USH2A: variants seen among roughly 807,000 people sequenced by gnomAD.
USH2A encodes usherin.
A neutral mutation model predicts 538.9 loss-of-function variants in USH2A; 443 were observed. That is an observed-to-expected ratio of 0.82 (90% CI 0.76 to 0.89). The LOEUF is 0.89. USH2A is among the 40% of genes least tolerant of loss of function. USH2A has a pLI of 0.00. For synonymous variants in USH2A, 2,413 were observed against 2,273.5 expected (o/e 1.06, Z -1.75); for missense variants, 6,633 against 6,324.8 (o/e 1.05, Z -1.65).
At chr1:215,989,091 C>T (rs913304205) in intron 35 of USH2A, among the ~76,000 whole-genome samples, 9 of 152,156 alleles carry the variant, frequency 5.9e-5, no homozygotes, top group African/African-American at 2.2e-4. Flanking sequence ...TTATACCTTT[C>T]ATATTTTGTC....
intron 21 of USH2A, among the ~76,000 whole-genome samples, chr1:216,131,476 T>C (rs759253629): frequency 3.9e-5 from 6 of 152,114 alleles, no homozygotes; most frequent in Non-Finnish European, 8.8e-5. Flanking sequence ...CTTGAGTTGA[T>C]ATTTGTATAA....
chr1:215,668,778 C>T (rs1657711627), intron 64 of USH2A, among the ~76,000 whole-genome samples: 1 of 152,202 alleles, frequency 6.6e-6, no homozygotes, highest in South Asian at 2.1e-4. Context: ...TGCCTGTAAT[C>T]CCAGCATTTT....
intron 32 of USH2A, among the ~76,000 whole-genome samples, chr1:216,016,091 G>A (rs543824939): frequency 2.4e-4 from 37 of 151,890 alleles, no homozygotes; most frequent in Non-Finnish European, 4.6e-4. Context: ...ACTATTGCAA[G>A]GACAGAAAAC....
intron 3 of USH2A, among the ~76,000 whole-genome samples, chr1:216,378,311 T>C (rs1486760108): frequency 2.0e-5 from 3 of 152,192 alleles, no homozygotes; most frequent in African/African-American, 4.8e-5. Flanking sequence ...GGATCTTTCA[T>C]TGGTACTTTA....
At chr1:216,322,773 A>G (rs2037643373) in intron 8 of USH2A, among the ~76,000 whole-genome samples, 2 of 152,050 alleles carry the variant, frequency 1.3e-5, no homozygotes, top group South Asian at 2.1e-4. Flanking sequence ...CAATGCTTAT[A>G]TACTGGTATT....
intron 38 of USH2A, among the ~76,000 whole-genome samples, chr1:215,915,692 T>A (rs1665934990): frequency 6.6e-6 from 1 of 152,034 alleles, no homozygotes; most frequent in African/African-American, 2.4e-5. Context: ...ACTGGGTATA[T>A]ACCCAAAGGA....
chr1:215,847,316 T>C (rs1239516355), intron 44 of USH2A, among the ~76,000 whole-genome samples: 1 of 152,148 alleles, frequency 6.6e-6, no homozygotes, highest in Non-Finnish European at 1.5e-5. Flanking sequence ...GGGTGGAGTG[T>C]TGGCTTACAA....
chr1:216,075,051 T>G (rs1388928881), intron 27 of USH2A, among the ~76,000 whole-genome samples: 5 of 152,246 alleles, frequency 3.3e-5, no homozygotes, highest in African/African-American at 1.2e-4. Context: ...AATTAAAAAT[T>G]TAGCAAAAAA....
intron 65 of USH2A, 134 bp from the exon 66 acceptor site, chr1:215,648,900 C>A: frequency 1.1e-6 from 1 of 874,920 alleles, no homozygotes; most frequent in Non-Finnish European, 1.9e-6. Context: ...TGGCATTTAG[C>A]ATGACATTTA....
chr1:216,130,067 T>TTAAA (rs1448253504), intron 21 of USH2A, among the ~76,000 whole-genome samples: 1 of 151,988 alleles, frequency 6.6e-6, no homozygotes. Context: ...TTTAAATAGG[T>TTAAA]TAAAGACTCA....
chr1:216,310,653 A>G (rs1339152024), intron 9 of USH2A, among the ~76,000 whole-genome samples: 1 of 152,060 alleles, frequency 6.6e-6, no homozygotes, highest in South Asian at 2.1e-4. Flanking sequence ...CAGTTCGGTA[A>G]ATTTATTTCT....
intron 20 of USH2A, among the ~76,000 whole-genome samples, chr1:216,185,350 G>C (rs1278677084): frequency 6.6e-6 from 1 of 151,848 alleles, no homozygotes; most frequent in African/African-American, 2.4e-5. Flanking sequence ...AAACAAGAGA[G>C]AGCCAATTAT....
intron 3 of USH2A, among the ~76,000 whole-genome samples, chr1:216,379,789 T>A (rs1205291210): frequency 6.6e-6 from 1 of 152,170 alleles, no homozygotes; most frequent in African/African-American, 2.4e-5. Flanking sequence ...AAAGCTTGAG[T>A]ATCCAATCAA....
intron 3 of USH2A, among the ~76,000 whole-genome samples, chr1:216,381,946 A>C (rs2038929825): frequency 6.6e-6 from 1 of 152,186 alleles, no homozygotes. Flanking sequence ...TTTAGCTCGA[A>C]AAAATTCACA....
intron 37 of USH2A, among the ~76,000 whole-genome samples, chr1:215,948,208 T>C (rs188919573): frequency 9.2e-5 from 14 of 152,142 alleles, no homozygotes; most frequent in Non-Finnish European, 1.6e-4. Context: ...TGCTATGAGA[T>C]GAAACATGAT....
chr1:215,922,360 T>C (rs1666121906), intron 38 of USH2A, among the ~76,000 whole-genome samples: 3 of 152,116 alleles, frequency 2.0e-5, no homozygotes, highest in Admixed American at 2.0e-4. Flanking sequence ...CTTTGGTATC[T>C]GTTCCTGGCC....
chr1:216,282,586 T>A (rs187294007), intron 11 of USH2A, among the ~76,000 whole-genome samples: 1 of 152,326 alleles, frequency 6.6e-6, no homozygotes, highest in East Asian at 1.9e-4. Context: ...AGTGAATATG[T>A]CTCTATGTCT....
rs575232421 is a variant in USH2A, at chr1:215,719,915, T to C, written c.12066+8115A>G. Among the ~76,000 whole-genome samples, 4 of 152,306 alleles carry C rather than the reference T, an allele frequency of 2.6e-5. No homozygotes were observed. In the South Asian group the frequency reaches 6.2e-4, roughly 24 times the overall value. On this transcript the variant is annotated intron_variant, in intron 61 of 71. Transcript: ENST00000307340. ...AATAGCACTTAGTGAAGAATTGATA[T>C]GGAAGTAAGGAAGAGAGAGGACTCA...
intron 61 of USH2A, among the ~76,000 whole-genome samples, chr1:215,715,597 A>G (rs1412341478): frequency 6.6e-6 from 1 of 152,150 alleles, no homozygotes; most frequent in Non-Finnish European, 1.5e-5. Flanking sequence ...TGCTCTTGAC[A>G]TTTCAGAGAT....
Sources: allele counts gnomAD v4.1 joint callset (sites outside exome capture counted in the v4.1 genomes callset), GRCh38; gene constraint gnomAD v4.1.1; transcripts MANE v1.5; gene names NCBI Gene and HGNC (gene_info 2026-07-23, HGNC 2026-07-21).